CPNE8: variants seen among roughly 807,000 people sequenced by gnomAD.
The protein encoded by CPNE8 is copine 8.
CPNE8 carries 45 observed loss-of-function variants against 81.5 expected under a neutral mutation model. The observed-to-expected ratio is 0.55, with a 90% CI of 0.44 to 0.71. CPNE8 has a LOEUF of 0.71. CPNE8 is among the 30% of genes least tolerant of loss of function. The pLI, the probability that CPNE8 is intolerant of heterozygous loss-of-function variation, is 0.00. For synonymous variants in CPNE8, 252 were observed against 226.3 expected (o/e 1.11, Z -1.02); for missense variants, 594 against 672.1 (o/e 0.88, Z 1.28).
intron 10 of CPNE8, 25 bp downstream of exon 10, chr12:38,760,822 A>T (rs1286270701): frequency 6.3e-7 from 1 of 1,576,222 alleles, no homozygotes; most frequent in East Asian, 2.3e-5. Context: ...CCAGTTCAAG[A>T]GTAAGAAGAT....
intron 3 of CPNE8, among the ~76,000 whole-genome samples, chr12:38,853,007 A>T (rs546083194): frequency 6.6e-6 from 1 of 152,330 alleles, no homozygotes; most frequent in African/African-American, 2.4e-5. Context: ...ACTTTCAGGC[A>T]GTTTTCCTGT....
At chr12:38,823,613 C>T (rs12161792) in intron 6 of CPNE8, among the ~76,000 whole-genome samples, 1 of 152,180 alleles carries the variant, frequency 6.6e-6, no homozygotes, top group African/African-American at 2.4e-5. Context: ...AATCTAGTTT[C>T]TAATTATTAC....
At chr12:38,867,303 A>G (rs1433817480) in intron 3 of CPNE8, among the ~76,000 whole-genome samples, 1 of 140,964 alleles carries the variant, frequency 7.1e-6, no homozygotes, top group Non-Finnish European at 1.5e-5. Flanking sequence ...GTTGAATAGT[A>G]TAGTGTGTGT....
chr12:38,757,157 A>T (rs1330795437), intron 10 of CPNE8, among the ~76,000 whole-genome samples: 6 of 152,108 alleles, frequency 3.9e-5, no homozygotes, highest in Admixed American at 3.9e-4. Flanking sequence ...TTTTAATAAG[A>T]AGAATTAAAA....
chr12:38,794,824 A>G (rs960611745), intron 6 of CPNE8, among the ~76,000 whole-genome samples: 6 of 152,120 alleles, frequency 3.9e-5, no homozygotes, highest in African/African-American at 1.4e-4. Context: ...TGTTGCTGGG[A>G]GTGTCTGTGA....
At position 38,735,968 on chromosome 12, in the gene CPNE8, C is replaced by T. The variant is rs888466640; in HGVS notation, c.723-5610G>A. ...CTCCAGCTTTGCTGATATTTTAAAT[C>T]ATTTCAAAAGGGTTAAATTTCCTTT... On this transcript the variant is annotated intron_variant, in intron 10 of 19. Coordinates refer to ENST00000331366, the MANE Select transcript of CPNE8 (RefSeq NM_153634.3). Among the ~76,000 whole-genome samples the T allele has an allele frequency of 1.8e-4, 28 of 151,820 alleles. No individual in the cohort carries two copies. In the East Asian group the frequency reaches 4.5e-3, roughly 24 times the overall value.
intron 10 of CPNE8, among the ~76,000 whole-genome samples, chr12:38,744,769 A>C (rs5005131): frequency 0.81 from 122,659 of 152,180 alleles, 52,418 homozygotes; most frequent in Middle Eastern, 0.97. Flanking sequence ...GATTTTGCAA[A>C]GATCAAATGG....
intron 14 of CPNE8, among the ~76,000 whole-genome samples, chr12:38,697,893 A>C (rs968480497): frequency 2.0e-5 from 3 of 152,200 alleles, no homozygotes; most frequent in Non-Finnish European, 4.4e-5. Flanking sequence ...GGGCCTCACC[A>C]GAAGCCAAGC....
At chr12:38,727,242 A>C (rs948433247) in intron 11 of CPNE8, among the ~76,000 whole-genome samples, 11 of 152,176 alleles carry the variant, frequency 7.2e-5, no homozygotes, top group Non-Finnish European at 2.9e-5. Context: ...CTGCAATCCT[A>C]CTTTTCCCAG....
At chr12:38,749,427 G>A (rs1941305679) in intron 10 of CPNE8, among the ~76,000 whole-genome samples, 1 of 152,156 alleles carries the variant, frequency 6.6e-6, no homozygotes, top group Non-Finnish European at 1.5e-5. Flanking sequence ...ATGTGGAAAC[G>A]ACTTTGGAAC....
intron 19 of CPNE8, among the ~76,000 whole-genome samples, chr12:38,656,002 T>A (rs920613304): frequency 1.3e-5 from 2 of 150,064 alleles, no homozygotes; most frequent in Non-Finnish European, 3.0e-5. Context: ...ATAAATGCGA[T>A]CTTCCTTCAG....
At chr12:38,769,621 C>T (rs1417116814) in intron 7 of CPNE8, among the ~76,000 whole-genome samples, 4 of 152,084 alleles carry the variant, frequency 2.6e-5, no homozygotes, top group African/African-American at 9.7e-5. Flanking sequence ...AAAAACATTA[C>T]ACTTTAACAC....
chr12:38,704,152 C>G lies in CPNE8; in HGVS notation c.915-1231G>C, dbSNP rs139050888. On this transcript the variant is annotated intron_variant, in intron 13 of 19. Transcript: ENST00000331366. ...GGGCTGAAAAATGAACTGTTGGGTA[C>G]TATGCTCAGTACCTGGGTGACAGGA... 9.2e-3 allele frequency among the ~76,000 whole-genome samples: 1,408 copies of G among 152,236 alleles called. 27 individuals are homozygous for G. The highest frequency in any genetic ancestry group is 0.031 in the African/African-American group (1,299 of 41,532).
intron 6 of CPNE8, among the ~76,000 whole-genome samples, chr12:38,786,908 C>A (rs554257750): frequency 1.3e-5 from 2 of 152,142 alleles, no homozygotes; most frequent in South Asian, 4.2e-4. Context: ...CTGGAACACC[C>A]AATTTTAAAT....
intron 6 of CPNE8, among the ~76,000 whole-genome samples, chr12:38,796,504 G>T (rs912904374): frequency 6.6e-6 from 1 of 152,128 alleles, no homozygotes; most frequent in Non-Finnish European, 1.5e-5. Flanking sequence ...TACTCTGGGA[G>T]ATGTTTTCAA....
intron 10 of CPNE8, among the ~76,000 whole-genome samples, chr12:38,740,325 ACAGTCATGT>A (rs891033931): frequency 6.6e-6 from 1 of 152,216 alleles, no homozygotes; most frequent in Non-Finnish European, 1.5e-5. Context: ...TTCTAGATAT[ACAGTCATGT>A]CATCTGCAAA....
intron 10 of CPNE8, among the ~76,000 whole-genome samples, chr12:38,737,943 T>C (rs754929678): frequency 2.0e-5 from 3 of 152,170 alleles, no homozygotes; most frequent in Middle Eastern, 3.2e-3. Context: ...GTCTTTTCAA[T>C]GGCGAATAGT....
chr12:38,830,353 A>G (rs991503267), intron 5 of CPNE8, among the ~76,000 whole-genome samples: 1 of 152,230 alleles, frequency 6.6e-6, no homozygotes, highest in Non-Finnish European at 1.5e-5. Context: ...TTGATTTTCC[A>G]TAAATAGCAG....
chr12:38,782,973 C>T (rs532526367), intron 6 of CPNE8, among the ~76,000 whole-genome samples: 1 of 152,248 alleles, frequency 6.6e-6, no homozygotes, highest in South Asian at 2.1e-4. Flanking sequence ...AGCCACCCCA[C>T]CTTGACTACT....
Sources: gnomAD v4.1 joint callset for allele counts (sites outside exome capture counted in the v4.1 genomes callset) on GRCh38, gnomAD v4.1.1 for gene constraint, MANE v1.5 for transcripts, NCBI Gene and HGNC (gene_info 2026-07-23, HGNC 2026-07-21) for gene names.